Variants in ANKRD17 observed in about 807,000 individuals in gnomAD.
ANKRD17 encodes ankyrin repeat domain 17, also known as ankyrin repeat domain-containing protein 17.
ANKRD17 carries 19 observed loss-of-function variants against 229.7 expected under a neutral mutation model. That is an observed-to-expected ratio of 0.08 (90% confidence interval 0.06 to 0.12). ANKRD17 has a LOEUF of 0.12. Ranked by LOEUF, ANKRD17 falls within the 10% of genes least tolerant of loss-of-function variation. The probability of loss-of-function intolerance (pLI) is 1.00; values close to 1 mark genes in which losing one functional copy is unlikely to be tolerated. For synonymous variants in ANKRD17, 1,112 were observed against 1,146.1 expected (o/e 0.97, Z 0.60); for missense variants, 2,176 against 3,176.8 (o/e 0.68, Z 7.57).
chr4:73,162,305 A>C (rs1253040458), intron 2 of ANKRD17, among the ~76,000 whole-genome samples: 1 of 152,084 alleles, frequency 6.6e-6, no homozygotes, highest in Admixed American at 6.6e-5. Flanking sequence ...CGGCCTCAGC[A>C]TGCCAAAGTA....
intron 1 of ANKRD17, among the ~76,000 whole-genome samples, chr4:73,241,007 C>T (rs1743979838): frequency 6.6e-6 from 1 of 151,890 alleles, no homozygotes; most frequent in Non-Finnish European, 1.5e-5. Flanking sequence ...GACGGGGTTT[C>T]ACCATGTTCC....
chr4:73,195,095 C>G (rs1349507086), intron 1 of ANKRD17, among the ~76,000 whole-genome samples: 1 of 152,134 alleles, frequency 6.6e-6, no homozygotes, highest in South Asian at 2.1e-4. Flanking sequence ...TGAATTTTGT[C>G]AAGTTCCTTT....
intron 1 of ANKRD17, among the ~76,000 whole-genome samples, chr4:73,242,985 A>C (rs1447360907): frequency 6.6e-6 from 1 of 152,230 alleles, no homozygotes; most frequent in Non-Finnish European, 1.5e-5. Flanking sequence ...GTGTAAGGGG[A>C]GAAAGTTCCC....
At chr4:73,155,875 G>A in intron 4 of ANKRD17, 97 bp from the exon 5 acceptor site, 2 of 1,490,562 alleles carry the variant, frequency 1.3e-6, no homozygotes, top group Non-Finnish European at 9.1e-7. Flanking sequence ...CATAGTAAAA[G>A]AGCTATAAGC....
intron 1 of ANKRD17, 117 bp downstream of exon 1, chr4:73,258,158 GC>G (rs1745645859): frequency 6.6e-7 from 1 of 1,519,276 alleles, no homozygotes; most frequent in African/African-American, 1.4e-5. Context: ...GCAGTCGAAA[GC>G]CTGGCCCCTA....
chr4:73,165,703 T>A (rs936720868), intron 2 of ANKRD17, among the ~76,000 whole-genome samples: 4 of 152,162 alleles, frequency 2.6e-5, no homozygotes, highest in Non-Finnish European at 5.9e-5. Flanking sequence ...TCAAATGAGC[T>A]TGTGAAAGGC....
chr4:73,142,170 A>G, intron 13 of ANKRD17, 72 bp downstream of exon 13: 2 of 1,434,470 alleles, frequency 1.4e-6, no homozygotes, highest in Non-Finnish European at 1.9e-6. Flanking sequence ...CCTAATTTAA[A>G]CAGAAACTGT....
chr4:73,152,781 C>T (rs1731170711), intron 6 of ANKRD17, among the ~76,000 whole-genome samples: 1 of 152,100 alleles, frequency 6.6e-6, no homozygotes, highest in African/African-American at 2.4e-5. Flanking sequence ...GGCTTACCTC[C>T]TCTCCTCCCA....
intron 1 of ANKRD17, among the ~76,000 whole-genome samples, chr4:73,246,896 A>G (rs914465654): frequency 3.3e-5 from 5 of 152,196 alleles, no homozygotes; most frequent in African/African-American, 4.8e-5. Flanking sequence ...TCTTTGAAAA[A>G]CAAAGTACAA....
In ANKRD17 at chr4:73,097,205, G is replaced by C; in HGVS notation, c.5089C>G (p.Pro1697Ala). ...LSTCTKSGPS[P>A]LSSPNGKLTV... ...AACTTCCCATTTGGAGAAGAAAGGG[G>C]AGATGGACCAGATTTTGTACAAGTA... Residue 1697 changes from proline (P) to alanine (A), a missense_variant, in exon 27 of 34, where the codon CCC (proline) becomes GCC (alanine). This residue lies in a region of ANKRD17 where 98 missense variants were observed against 101.0 expected (regional missense o/e 0.97). Coordinates refer to ENST00000358602, the MANE Select transcript of ANKRD17 (RefSeq NM_032217.5). The C allele has an allele frequency of 6.2e-7, 1 of 1,612,510 alleles. No individual in the cohort carries two copies. Among genetic ancestry groups the C allele is most frequent in the Non-Finnish European group, 8.5e-7 (1 of 1,179,346 alleles).
At chr4:73,148,569 C>T (rs1365164152) in intron 8 of ANKRD17, among the ~76,000 whole-genome samples, 1 of 152,126 alleles carries the variant, frequency 6.6e-6, no homozygotes, top group Non-Finnish European at 1.5e-5. Flanking sequence ...CTTGCCAACA[C>T]CAGTTCTGTT....
At chr4:73,174,381 C>T (rs912800412) in intron 2 of ANKRD17, among the ~76,000 whole-genome samples, 5 of 152,082 alleles carry the variant, frequency 3.3e-5, no homozygotes, top group Non-Finnish European at 7.4e-5. Context: ...GAAATCCAGC[C>T]ATCCCTTTAT....
At chr4:73,151,597 T>G (rs1731007241) in intron 6 of ANKRD17, 73 bp from the exon 7 acceptor site, 2 of 1,167,360 alleles carry the variant, frequency 1.7e-6, no homozygotes, top group African/African-American at 1.6e-5. Flanking sequence ...TTATAATATT[T>G]TGAAAAGTTA....
At chr4:73,149,416 AT>A (rs1184486398) in intron 7 of ANKRD17, among the ~76,000 whole-genome samples, 3 of 152,208 alleles carry the variant, frequency 2.0e-5, no homozygotes, top group Admixed American at 2.0e-4. Context: ...GAAAAGAAGA[AT>A]TTTCATAAGA....
Position 73,091,679 on chromosome 4 carries a change from T to A in ANKRD17, c.5949A>T (p.Thr1983=). 6.2e-7 allele frequency: 1 copy of A among 1,614,200 alleles called. No individual in the cohort carries two copies. The highest frequency in any genetic ancestry group is 8.5e-7 in the Non-Finnish European group (1 of 1,180,040). The part of the protein sequence containing the change: ...TSSSASTVPG[T]STNGSPSSPS... ...GTGAACTTGGACTGCCATTTGTAGA[T>A]GTACCAGGCACCGTTGAAGCTGATG... is the stretch of plus-strand genomic sequence containing the variant. Residue 1983 remains threonine, a synonymous_variant, in exon 29 of 34, where the codon ACA becomes ACT. Coordinates refer to ENST00000358602, the MANE Select transcript of ANKRD17 (RefSeq NM_032217.5).
At chr4:73,143,641 T>A (rs1729881413) in intron 11 of ANKRD17, among the ~76,000 whole-genome samples, 1 of 152,242 alleles carries the variant, frequency 6.6e-6, no homozygotes, top group Admixed American at 6.5e-5. Flanking sequence ...TATTTCAAAT[T>A]TTCTTTACCT....
In ANKRD17 at chr4:73,091,828, G is replaced by C; in HGVS notation, c.5800C>G (p.Pro1934Ala). ...WGPFPVRPLSPARATNSPKPH... is the reference protein window; with the variant it reads ...WGPFPVRPLSAARATNSPKPH... ...TTAGGCGAGTTAGTAGCTCTGGCAGGGCTCAAAGGCCTGACAGGAAACGGA... is the reference window on the plus strand; with the variant it reads ...TTAGGCGAGTTAGTAGCTCTGGCAGCGCTCAAAGGCCTGACAGGAAACGGA... Residue 1934 changes from proline to alanine, a missense_variant, in exon 29 of 34, where the codon CCT (proline) becomes GCT (alanine). By Grantham distance (27) the Pro-to-Ala change is conservative. Around this residue, in one of 18 missense-constraint regions of ANKRD17, gnomAD observed 142 missense variants for 200.4 expected, o/e 0.71. Transcript: ENST00000358602. 6.2e-7 allele frequency: 1 copy of C among 1,614,164 alleles called. No homozygotes were observed.
At chr4:73,236,069 A>C (rs1347578096) in intron 1 of ANKRD17, among the ~76,000 whole-genome samples, 1 of 152,126 alleles carries the variant, frequency 6.6e-6, no homozygotes, top group Admixed American at 6.6e-5. Context: ...AAACCTTTCA[A>C]AGAAAAATTC....
chr4:73,151,965 A>T (rs1372035336), intron 6 of ANKRD17, among the ~76,000 whole-genome samples: 3 of 152,188 alleles, frequency 2.0e-5, no homozygotes, highest in Non-Finnish European at 4.4e-5. Flanking sequence ...CACTTTAGGA[A>T]AAACCTGCTT....
Sources: gnomAD v4.1 joint callset for allele counts (sites outside exome capture counted in the v4.1 genomes callset) on GRCh38, gnomAD v4.1.1 for gene constraint, gnomAD v4.1.1 regional missense constraint, MANE v1.5 for transcripts, NCBI Gene and HGNC (gene_info 2026-07-23, HGNC 2026-07-21) for gene names.